The following ZNF182 variants were observed in gnomAD, a reference collection of about 807,000 sequenced individuals.
ZNF182 encodes zinc finger protein 182, also known as zinc finger protein 21 (KOX 14).
In ZNF182, 10 loss-of-function variants were observed where a neutral mutation model predicts 28.1. The ratio of observed to expected loss-of-function variants is 0.36; its 90% CI spans 0.22 to 0.60. The LOEUF is 0.60. ZNF182 is among the 20% of genes least tolerant of loss of function. The probability of loss-of-function intolerance (pLI) is 0.75; values close to 1 mark genes in which losing one functional copy is unlikely to be tolerated. For synonymous variants in ZNF182, 156 were observed against 158.7 expected, an observed-to-expected ratio of 0.98 and a Z score of 0.13; for missense variants, 352 against 453.2, an observed-to-expected ratio of 0.78 and a Z score of 2.03.
intron 3 of ZNF182, among the ~76,000 whole-genome samples, chrX:47,996,166 T>C (rs1463451668): frequency 8.9e-6 from 1 of 112,015 alleles, no homozygotes; most frequent in Non-Finnish European, 1.9e-5. Flanking sequence ...CATTTTCTGG[T>C]AGAAATTTCA....
intron 3 of ZNF182, among the ~76,000 whole-genome samples, chrX:47,997,755 A>G (rs1245623098): frequency 9.1e-6 from 1 of 110,273 alleles, no homozygotes; most frequent in Non-Finnish European, 1.9e-5. Context: ...TTGCACCACT[A>G]CGCTCCAGCC....
intron 3 of ZNF182, among the ~76,000 whole-genome samples, chrX:47,997,644 T>A (rs1246040896): frequency 3.6e-5 from 4 of 110,659 alleles, no homozygotes; most frequent in African/African-American, 1.3e-4. Context: ...ATACAAAAAT[T>A]AGCTGGGCGT....
intron 5 of ZNF182, among the ~76,000 whole-genome samples, chrX:47,978,593 G>A (rs905674960): frequency 2.3e-4 from 26 of 112,405 alleles, no homozygotes; most frequent in African/African-American, 7.8e-4. Context: ...TGCATTCACA[G>A]TTCTTCAACA....
intron 5 of ZNF182, among the ~76,000 whole-genome samples, chrX:47,979,789 G>C (rs1556898819): frequency 9.0e-6 from 1 of 110,584 alleles, no homozygotes; most frequent in Non-Finnish European, 1.9e-5. Flanking sequence ...AGGAAACAAA[G>C]GGAAAAACTG....
Position 47,976,149 on chromosome X carries a change from A to G in ZNF182, c.*18T>C. 1.8e-6 allele frequency: 2 copies of G among 1,128,420 alleles called. No individual in the cohort carries two copies. The highest frequency in any genetic ancestry group is 2.3e-6 in the Non-Finnish European group (2 of 855,919). The allele number at this position is 1,128,420 out of a possible 1,213,427, so 93.0% of individuals were successfully genotyped here. Reference sequence around the variant, plus strand: ...AACTTTCTTTCAGTGTCCATAATAGATACTGCTGATTAGCTCTCTAATGTG... The same window carrying G: ...AACTTTCTTTCAGTGTCCATAATAGGTACTGCTGATTAGCTCTCTAATGTG... On this transcript the variant is annotated 3_prime_UTR_variant, in exon 6 of 6. Coordinates refer to ENST00000376943, the MANE Select transcript of ZNF182 (RefSeq NM_001007088.2).
intron 3 of ZNF182, among the ~76,000 whole-genome samples, chrX:47,994,846 C>A (rs1274764403): frequency 9.1e-6 from 1 of 109,533 alleles, no homozygotes; most frequent in Non-Finnish European, 1.9e-5. Flanking sequence ...GCCATGTTGG[C>A]CAGGCTGGTC....
At chrX:47,996,998 C>T (rs908769192) in intron 3 of ZNF182, among the ~76,000 whole-genome samples, 1 of 111,605 alleles carries the variant, frequency 9.0e-6, no homozygotes, top group Non-Finnish European at 1.9e-5. Flanking sequence ...TATGGCAGCC[C>T]GAGCAGACTA....
At position 47,976,813 on chromosome X, in the gene ZNF182, G is replaced by A; in HGVS notation, c.1217C>T (p.Thr406Ile). The change falls in exon 6 of 6, where the codon ACA becomes ATA. Residue 406 changes from threonine (T) to isoleucine (I), a missense_variant. By Grantham distance (89) the Thr-to-Ile change is moderately conservative (BLOSUM62 -1). Coordinates refer to ENST00000376943, the MANE Select transcript of ZNF182 (RefSeq NM_001007088.2). The part of the protein sequence containing the change: ...STLIVHQRTH[T>I]GEKPYECDVC... ...ATCACATTCATAGGGTTTCTCTCCT[G>A]TATGAGTTCTTTGATGCACAATGAG... The A allele has an allele frequency of 3.3e-6, 4 of 1,210,318 alleles. No individual in the cohort carries two copies. Among genetic ancestry groups the A allele is most frequent in the African/African-American group, 1.7e-5 (1 of 57,749 alleles).
intron 3 of ZNF182, among the ~76,000 whole-genome samples, chrX:47,987,247 AAAG>A (rs1223433408): frequency 6.2e-5 from 7 of 112,316 alleles, no homozygotes; most frequent in Admixed American, 4.7e-4. Context: ...AGGCTTATTA[AAAG>A]AAGATCTCCA....
intron 5 of ZNF182, 22 bp downstream of exon 5, chrX:47,982,927 C>T: frequency 1.7e-6 from 2 of 1,199,022 alleles, no homozygotes; most frequent in Non-Finnish European, 2.3e-6. Context: ...GTCCCCAGAG[C>T]CTGGGTCAAA....
intron 2 of ZNF182, 133 bp from the exon 3 acceptor site, chrX:48,002,786 T>C (rs2058982881): frequency 3.9e-6 from 2 of 508,926 alleles, no homozygotes; most frequent in African/African-American, 2.4e-5. Flanking sequence ...TGGGCAACCA[T>C]GTGATTTTAA....
chrX:47,999,154 C>T (rs1481189334), intron 3 of ZNF182, among the ~76,000 whole-genome samples: 1 of 111,126 alleles, frequency 9.0e-6, no homozygotes. Flanking sequence ...CCAAGGCAGG[C>T]AGATCACCTG....
chrX:47,977,463 A>G lies in ZNF182; in HGVS notation c.567T>C (p.Tyr189=). The G allele has an allele frequency of 8.3e-7, 1 of 1,212,005 alleles. No homozygotes were observed. Among genetic ancestry groups the G allele is most frequent in the Non-Finnish European group, 1.1e-6 (1 of 895,602 alleles). The part of the protein sequence containing the change: ...KTNPGMKPYG[Y]KECGKGLRRK... ...GCCTAAGACCTTTCCCACACTCTTT[A>G]TAGCCATAGGGCTTCATTCCAGGAT... The change falls in exon 6 of 6, where the codon TAT becomes TAC. Residue 189 remains tyrosine (Y), a synonymous_variant. Transcript: ENST00000376943.
intron 3 of ZNF182, among the ~76,000 whole-genome samples, chrX:47,990,589 T>C (rs782730643): frequency 1.8e-5 from 2 of 112,320 alleles, no homozygotes; most frequent in East Asian, 5.5e-4. Context: ...TATATAATCA[T>C]TCATTGAACT....
chrX:47,984,794 A>AACTTTTATTGAGAATATAT (rs1459180695), intron 3 of ZNF182, among the ~76,000 whole-genome samples: 1 of 112,283 alleles, frequency 8.9e-6, no homozygotes, highest in Non-Finnish European at 1.9e-5. Context: ...GAATATATAA[A>AACTTTTATTGAGAATATAT]AAAAACTTTC....
chrX:47,976,290 T>C lies in ZNF182; in HGVS notation c.1740A>G (p.Lys580=), dbSNP rs2058883397. 2 of 1,205,663 alleles carry C rather than the reference T, an allele frequency of 1.7e-6. No individual in the cohort carries two copies. Among genetic ancestry groups the C allele is most frequent in the African/African-American group, 3.5e-5 (2 of 56,958 alleles). Residue 580 remains lysine, a synonymous_variant, in exon 6 of 6, where the codon AAA becomes AAG. Coordinates refer to ENST00000376943, the MANE Select transcript of ZNF182 (RefSeq NM_001007088.2). ...QRTHTGEKPY[K]CTECGKAFTQ... ...TAAAGGCTTTCCCACATTCTGTACATTTATAGGGTTTCTCTCCAGTATGAG... is the reference window on the plus strand; with the variant it reads ...TAAAGGCTTTCCCACATTCTGTACACTTATAGGGTTTCTCTCCAGTATGAG...
At chrX:47,999,185 G>C (rs2058969913) in intron 3 of ZNF182, among the ~76,000 whole-genome samples, 1 of 110,831 alleles carries the variant, frequency 9.0e-6, no homozygotes, top group South Asian at 3.8e-4. Context: ...TTCAAGACCA[G>C]TCTGGCCAAC....
At chrX:47,978,778 A>T (rs1029147803) in intron 5 of ZNF182, among the ~76,000 whole-genome samples, 35 of 112,674 alleles carry the variant, frequency 3.1e-4, no homozygotes, top group African/African-American at 1.1e-3. Flanking sequence ...GCTTACTCTG[A>T]TCTTCCTATA....
chrX:47,984,859 G>A (rs1556899632), intron 3 of ZNF182, among the ~76,000 whole-genome samples: 1 of 111,719 alleles, frequency 9.0e-6, no homozygotes, highest in Non-Finnish European at 1.9e-5. Flanking sequence ...ATAAACAGAT[G>A]GCAAATAAGC....
Sources: allele counts gnomAD v4.1 joint callset (sites outside exome capture counted in the v4.1 genomes callset), GRCh38; gene constraint gnomAD v4.1.1; transcripts MANE v1.5; gene names NCBI Gene and HGNC (gene_info 2026-07-23, HGNC 2026-07-21).